Variants in STK36 observed in about 807,000 individuals in gnomAD.
STK36 encodes the protein serine/threonine-protein kinase 36.
Under a neutral mutation model 142.2 loss-of-function variants are expected in STK36, and 116 were observed. The observed-to-expected ratio is 0.82, with a 90% CI of 0.70 to 0.95. The LOEUF (loss-of-function observed/expected upper bound fraction) is 0.95, where lower values mean the gene tolerates loss of function less well. Ranked by LOEUF, STK36 falls within the 40% of genes least tolerant of loss-of-function variation. The pLI is 0.00. For missense variants in STK36, 1,422 were observed against 1,617.2 expected (o/e 0.88, Z 2.07); for synonymous variants, 619 against 641.7 (o/e 0.96, Z 0.53).
Position 218,688,851 on chromosome 2 carries a change from G to C in STK36, c.1535G>C (p.Ser512Thr), listed in dbSNP as rs1303063687. ...CTGCTGCTGAGTCTACTCAGGCACA[G>C]TCAGGAGAGCAACAGCCTCCAGCAG... ...PGLLLSLLRH[S>T]QESNSLQQQS... The change falls in exon 12 of 27, where the codon AGT (serine) becomes ACT (threonine). Residue 512 changes from serine to threonine, a missense_variant. Physicochemically the swap from Ser to Thr is moderately conservative, Grantham distance 58 (BLOSUM62 1). Around this residue, in one of 2 missense-constraint regions of STK36, gnomAD observed 962 missense variants for 1,167.5 expected, o/e 0.82. Coordinates refer to ENST00000295709, the MANE Select transcript of STK36 (RefSeq NM_015690.5). 6.2e-7 allele frequency: 1 copy of C among 1,611,770 alleles called. No individual in the cohort carries two copies. Among genetic ancestry groups the C allele is most frequent in the Non-Finnish European group, 8.5e-7 (1 of 1,179,478 alleles).
rs112628105 is a variant in STK36 at position 218,694,010 on chromosome 2, C to T, written c.2336+27C>T. The T allele has an allele frequency of 3.1e-4, 496 of 1,607,560 alleles. 3 individuals carry two copies. The African/African-American group carries it at 6.1e-3, about 20-fold the overall frequency. On this transcript the variant is annotated intron_variant, in intron 19 of 26. Coordinates refer to ENST00000295709, the MANE Select transcript of STK36 (RefSeq NM_015690.5). This position sits in a 1 kb window ranked among gnomAD's most constrained non-coding sequence, Gnocchi z 4.4. ...TAAGTCATAAAGTAGGGTGTCTCCA[C>T]AGAAGTCTTCTAGCCACATAGCTAA...
At chr2:218,682,399 C>T (rs2106350766) in intron 10 of STK36, among the ~76,000 whole-genome samples, 1 of 152,248 alleles carries the variant, frequency 6.6e-6, no homozygotes, top group African/African-American at 2.4e-5. Context: ...TTTCCTAAAA[C>T]AAGATCCTTC....
At chr2:218,683,789 G>A (rs1029125905) in intron 10 of STK36, among the ~76,000 whole-genome samples, 5 of 151,826 alleles carry the variant, frequency 3.3e-5, no homozygotes, top group Admixed American at 2.0e-4. Context: ...CTGTGTCCAT[G>A]TGTTCTCATT....
At position 218,693,704 on chromosome 2, in the gene STK36, C is replaced by T. The variant is rs184937518; in HGVS notation, c.2149-19C>T. 2.2e-4 allele frequency: 351 copies of T among 1,610,532 alleles called. 1 individual carries two copies. In the African/African-American group the frequency reaches 4.1e-3, roughly 19 times the overall value. On this transcript the variant is annotated intron_variant, in intron 17 of 26. Transcript: ENST00000295709. ...GGGCCTGCCCTGCCTCACTGCCAGA[C>T]TCCTTCCTTCTCCCTCAGGTTCTAT...
At chr2:218,699,416 T>C (rs973153017) in intron 26 of STK36, 68 bp downstream of exon 26, 39 of 1,550,620 alleles carry the variant, frequency 2.5e-5, no homozygotes, top group Non-Finnish European at 3.2e-5. Context: ...TTCTCTGAGA[T>C]CATCTGTAAG....
chr2:218,673,414 C>T (rs1940080241), intron 2 of STK36, among the ~76,000 whole-genome samples: 1 of 151,902 alleles, frequency 6.6e-6, no homozygotes, highest in African/African-American at 2.4e-5. Flanking sequence ...AAATGTTTTG[C>T]AGATGCTGTT....
chr2:218,692,662 A>T lies in STK36; in HGVS notation c.1995A>T (p.Ile665=), dbSNP rs1176365830. 1.2e-6 allele frequency: 2 copies of T among 1,613,672 alleles called. No individual in the cohort carries two copies. Among genetic ancestry groups the T allele is most frequent in the East Asian group, 4.5e-5 (2 of 44,880 alleles). ...CCATTTCCTCTGCCCTGGCAGCCATATGCACTGCTCCTGTGGGACTGCCCG... is the reference window on the plus strand; with the variant it reads ...CCATTTCCTCTGCCCTGGCAGCCATTTGCACTGCTCCTGTGGGACTGCCCG... ...PGAISSALAA[I]CTAPVGLPDC... is the part of the protein sequence containing the mutation. Residue 665 remains isoleucine, a synonymous_variant, in exon 16 of 27, where the codon ATA becomes ATT. Coordinates refer to ENST00000295709, the MANE Select transcript of STK36 (RefSeq NM_015690.5).
intron 14 of STK36, among the ~76,000 whole-genome samples, chr2:218,691,080 C>G (rs971360453): frequency 5.3e-5 from 8 of 152,050 alleles, no homozygotes; most frequent in African/African-American, 1.9e-4. Context: ...ACTTGCAGAT[C>G]ATCTAGTATT....
At chr2:218,698,487 C>A in intron 25 of STK36, 115 bp from the exon 26 acceptor site, 1 of 1,325,808 alleles carries the variant, frequency 7.5e-7, no homozygotes, top group Non-Finnish European at 1.0e-6. Context: ...GGACTTCCAG[C>A]TCTCTGTGGC....
intron 6 of STK36, among the ~76,000 whole-genome samples, chr2:218,677,020 G>C (rs1940283938): frequency 6.6e-6 from 1 of 151,982 alleles, no homozygotes; most frequent in Admixed American, 6.6e-5. Context: ...CGCAACCTCT[G>C]CTTCCCAGGT....
Position 218,679,259 on chromosome 2 carries a change from C to T in STK36, c.776C>T (p.Thr259Ile). The T allele has an allele frequency of 6.2e-7, 1 of 1,614,128 alleles. No homozygotes were observed. Among genetic ancestry groups the T allele is most frequent in the South Asian group, 1.1e-5 (1 of 91,082 alleles). The change falls in exon 7 of 27, where the codon ACC becomes ATC. Residue 259 changes from threonine (T) to isoleucine (I), a missense_variant and splice_region_variant. Thr to Ile is a moderately conservative substitution (Grantham distance 89). Coordinates refer to ENST00000295709, the MANE Select transcript of STK36 (RefSeq NM_015690.5). ...CACCCCTTTATTGCTGGTCATGTCACCAGTGAGTCATCAGGGTTCCCAGGG... is the reference window on the plus strand; with the variant it reads ...CACCCCTTTATTGCTGGTCATGTCATCAGTGAGTCATCAGGGTTCCCAGGG... Reference protein sequence around the residue: ...LYHPFIAGHVTIITEPAGPDL... With the variant: ...LYHPFIAGHVIIITEPAGPDL...
At position 218,697,945 on chromosome 2, in the gene STK36, C is replaced by G; in HGVS notation, c.3001C>G (p.Leu1001Val). The change falls in exon 25 of 27, where the codon CTT becomes GTT. Residue 1001 changes from leucine (L) to valine (V), a missense_variant. By Grantham distance (32) the Leu-to-Val change is conservative. This residue lies in a region of STK36 where 962 missense variants were observed against 1,167.5 expected (regional missense o/e 0.82). Coordinates refer to ENST00000295709, the MANE Select transcript of STK36 (RefSeq NM_015690.5). ...PFALDMDADL[L>V]IGVLADLRDS... ...TGCGCTGGACATGGATGCTGACCTC[C>G]TTATAGGTGTCTTGGCCGACCTCAG... 1 of 1,614,184 alleles carries G rather than the reference C, an allele frequency of 6.2e-7. No individual in the cohort carries two copies.
intron 23 of STK36, 35 bp from the exon 24 acceptor site, chr2:218,697,428 C>T: frequency 6.2e-7 from 1 of 1,610,824 alleles, no homozygotes; most frequent in Non-Finnish European, 8.5e-7. Flanking sequence ...GGCGTCTTGC[C>T]TGTTCCATTG....
intron 10 of STK36, among the ~76,000 whole-genome samples, chr2:218,681,617 C>G (rs369804177): frequency 1.3e-5 from 2 of 152,154 alleles, no homozygotes; most frequent in African/African-American, 4.8e-5. Context: ...TCTCACAGTT[C>G]TGGAGTCTGG....
At chr2:218,683,760 G>C (rs1374754696) in intron 10 of STK36, among the ~76,000 whole-genome samples, 2 of 151,732 alleles carry the variant, frequency 1.3e-5, no homozygotes, top group Admixed American at 6.6e-5. Context: ...ACAGTCCCCA[G>C]AGTGTGATGT....
At position 218,679,730 on chromosome 2, in the gene STK36, G is replaced by A; in HGVS notation, c.948+1G>A. 6.2e-7 allele frequency: 1 copy of A among 1,614,222 alleles called. No homozygotes were observed. Among genetic ancestry groups the A allele is most frequent in the Non-Finnish European group, 8.5e-7 (1 of 1,180,040 alleles). On this transcript the variant is annotated splice_donor_variant, in intron 8 of 26. Coordinates refer to ENST00000295709, the MANE Select transcript of STK36 (RefSeq NM_015690.5). LOFTEE classifies it high-confidence loss of function. ...CATGGCTGAGGAGGCCATGCAGAAGGTGTGTGGGGCAGAGGAAAATATGTG... is the reference window on the plus strand; with the variant it reads ...CATGGCTGAGGAGGCCATGCAGAAGATGTGTGGGGCAGAGGAAAATATGTG...
At chr2:218,681,506 A>G (rs1940521035) in intron 10 of STK36, among the ~76,000 whole-genome samples, 1 of 152,148 alleles carries the variant, frequency 6.6e-6, no homozygotes, top group African/African-American at 2.4e-5. Context: ...TAATTGTGAG[A>G]ATACCACAAA....
intron 1 of STK36, 116 bp downstream of exon 1, chr2:218,672,331 C>T (rs1940017858): frequency 2.7e-6 from 1 of 366,928 alleles, no homozygotes; most frequent in East Asian, 6.0e-5. Flanking sequence ...GAATCCGTCC[C>T]TTGGCCTGAG....
At chr2:218,692,519 C>A in intron 15 of STK36, 64 bp from the exon 16 acceptor site, 1 of 1,559,676 alleles carries the variant, frequency 6.4e-7, no homozygotes. Flanking sequence ...TCGGTGAGTA[C>A]TGGTGCTATT....
Sources: allele counts gnomAD v4.1 joint callset (sites outside exome capture counted in the v4.1 genomes callset), GRCh38; gene constraint gnomAD v4.1.1; regional missense constraint gnomAD v4.1.1; non-coding constraint Gnocchi (gnomAD v3.1); transcripts MANE v1.5; gene names NCBI Gene and HGNC (gene_info 2026-07-23, HGNC 2026-07-21).